Variants in SRFBP1 observed in about 807,000 individuals in gnomAD.
SRFBP1 encodes the protein serum response factor-binding protein 1.
SRFBP1 carries 47 observed loss-of-function variants against 45.5 expected under a neutral mutation model. The ratio of observed to expected loss-of-function variants is 1.03; its 90% CI spans 0.82 to 1.32. The LOEUF (loss-of-function observed/expected upper bound fraction) is 1.32, where lower values mean the gene tolerates loss of function less well. Ranked by LOEUF, SRFBP1 falls within the 40% of genes most tolerant of loss-of-function variation. SRFBP1 has a pLI of 0.00. For missense variants in SRFBP1, 621 were observed against 484.6 expected, an observed-to-expected ratio of 1.28 and a Z score of -2.64; for synonymous variants, 203 against 166.3, an observed-to-expected ratio of 1.22 and a Z score of -1.70.
At chr5:121,986,413 T>C (rs1248510996) in intron 3 of SRFBP1, among the ~76,000 whole-genome samples, 1 of 152,054 alleles carries the variant, frequency 6.6e-6, no homozygotes. Context: ...AGATGGCAAG[T>C]GTTGACAAGT....
intron 2 of SRFBP1, among the ~76,000 whole-genome samples, chr5:122,046,952 T>G (rs1184330353): frequency 6.6e-6 from 1 of 152,240 alleles, no homozygotes; most frequent in Admixed American, 6.5e-5. Flanking sequence ...ATTAGCCCTT[T>G]GTCAGATGAG....
Position 122,027,280 on chromosome 5 carries a change from C to A in SRFBP1, c.*154C>A. ...GGCTCAAGTGATCCTCCCACCTCTGCCTCCCAAAGGGCTGGGACTGCAGGT... is the reference window on the plus strand; with the variant it reads ...GGCTCAAGTGATCCTCCCACCTCTGACTCCCAAAGGGCTGGGACTGCAGGT... On this transcript the variant is annotated 3_prime_UTR_variant, in exon 8 of 8. Coordinates refer to ENST00000339397, the MANE Select transcript of SRFBP1 (RefSeq NM_152546.3). 1.7e-6 allele frequency: 1 copy of A among 579,498 alleles called. No homozygotes were observed. The highest frequency in any genetic ancestry group is 2.9e-6 in the Non-Finnish European group (1 of 340,920). 35.9% of individuals were successfully genotyped at this position (579,498 alleles called of 1,614,324 possible).
intron 2 of SRFBP1, among the ~76,000 whole-genome samples, chr5:122,062,008 A>G (rs537800828): frequency 6.6e-6 from 1 of 152,114 alleles, no homozygotes; most frequent in Non-Finnish European, 1.5e-5. Flanking sequence ...ATACTAGGAT[A>G]ATAAGTGCTA....
rs376103942 is a variant in SRFBP1 at position 121,985,987 on chromosome 5, AGATTTTGGG to A, written c.199-8609_199-8601del. On this transcript the variant is annotated intron_variant, in intron 3 of 7. Coordinates refer to ENST00000339397, the MANE Select transcript of SRFBP1 (RefSeq NM_152546.3). ...GAGAAATTATCTTGGCTACAGATGG[AGATTTTGGG>A]GAGATGTTCACATATATATGATATT... is the stretch of plus-strand genomic sequence containing the variant. Among the ~76,000 whole-genome samples, 763 of 151,964 alleles carry A rather than the reference AGATTTTGGG, an allele frequency of 5.0e-3. 9 individuals are homozygous for A. Among genetic ancestry groups the A allele is most frequent in the African/African-American group, 0.017 (720 of 41,500 alleles).
intron 2 of SRFBP1, among the ~76,000 whole-genome samples, chr5:122,071,189 T>G (rs933155833): frequency 8.1e-6 from 1 of 123,846 alleles, no homozygotes; most frequent in African/African-American, 3.6e-5. Flanking sequence ...TCGTAAACAT[T>G]TATATGTGTG....
intron 3 of SRFBP1, among the ~76,000 whole-genome samples, chr5:121,988,649 T>A (rs1311849565): frequency 4.6e-5 from 7 of 152,190 alleles, no homozygotes; most frequent in Admixed American, 2.0e-4. Flanking sequence ...ATGGCTGACC[T>A]CAGCTATTCA....
At chr5:121,967,265 C>T (rs1752091478) in intron 1 of SRFBP1, among the ~76,000 whole-genome samples, 1 of 152,178 alleles carries the variant, frequency 6.6e-6, no homozygotes. Context: ...TATGAAGTTA[C>T]AAAACGCTTG....
chr5:122,034,658 G>A (rs1195167620), intron 2 of SRFBP1, among the ~76,000 whole-genome samples: 1 of 151,228 alleles, frequency 6.6e-6, no homozygotes, highest in Non-Finnish European at 1.5e-5. Context: ...ATTATACCCT[G>A]TTCTCACCTT....
chr5:122,070,437 G>A, intron 2 of SRFBP1: 1 of 919,250 alleles, frequency 1.1e-6, no homozygotes. Context: ...TGAATCCAGA[G>A]AAGAGGGCCT....
At chr5:122,044,602 A>G (rs1433406592) in intron 2 of SRFBP1, among the ~76,000 whole-genome samples, 2 of 151,882 alleles carry the variant, frequency 1.3e-5, no homozygotes, top group Non-Finnish European at 2.9e-5. Context: ...TTCTCAAATG[A>G]TTAGTGATGT....
chr5:122,077,355 C>T (rs1754668353), downstream of SRFBP1: 1 of 1,613,756 alleles, frequency 6.2e-7, no homozygotes. The surrounding 1 kb of genome is among the most constrained non-coding windows in gnomAD (Gnocchi z 4.9). Context: ...GGGTACTTAC[C>T]GTACTGGAAG....
intron 3 of SRFBP1, among the ~76,000 whole-genome samples, chr5:121,989,107 A>G (rs1027273089): frequency 6.6e-6 from 1 of 152,038 alleles, no homozygotes; most frequent in Middle Eastern, 3.2e-3. Flanking sequence ...CTCTATTGCC[A>G]GGCTGGAGTG....
At chr5:122,032,110 T>C (rs1753597726), downstream of SRFBP1, among the ~76,000 whole-genome samples, 1 of 152,180 alleles carries the variant, frequency 6.6e-6, no homozygotes, top group Non-Finnish European at 1.5e-5. Flanking sequence ...AAAGGGTGAA[T>C]ATTGTGTGAA....
intron 3 of SRFBP1, among the ~76,000 whole-genome samples, chr5:121,978,469 A>C (rs577680039): frequency 1.1e-4 from 16 of 152,204 alleles, no homozygotes; most frequent in Admixed American, 7.9e-4. Flanking sequence ...ACAGGTAAAT[A>C]TACACAGTAG....
At chr5:122,051,401 G>C (rs1753971183) in intron 2 of SRFBP1, among the ~76,000 whole-genome samples, 1 of 151,774 alleles carries the variant, frequency 6.6e-6, no homozygotes, top group Admixed American at 6.6e-5. Context: ...GTCTTTGTAG[G>C]CCTCCAAGAA....
chr5:122,002,414 T>C lies in SRFBP1; in HGVS notation c.270+7744T>C, dbSNP rs142186219. On this transcript the variant is annotated intron_variant, in intron 4 of 7. Transcript: ENST00000339397. ...CTTCAGGATTGCTGTGGAATCCATG[T>C]AATGGGCTTACTCTTTTTGAATTTT... 5.9e-4 allele frequency among the ~76,000 whole-genome samples: 90 copies of C among 152,364 alleles called. 1 individual carries two copies. Among genetic ancestry groups the C allele is most frequent in the African/African-American group, 2.1e-3 (87 of 41,588 alleles).
At chr5:122,021,100 A>G (rs1753308569) in intron 6 of SRFBP1, among the ~76,000 whole-genome samples, 1 of 152,240 alleles carries the variant, frequency 6.6e-6, no homozygotes, top group African/African-American at 2.4e-5. Flanking sequence ...TTTTGATGAA[A>G]AACTTTTGAA....
At chr5:121,992,162 A>G (rs959273698) in intron 3 of SRFBP1, among the ~76,000 whole-genome samples, 2 of 152,156 alleles carry the variant, frequency 1.3e-5, no homozygotes, top group African/African-American at 4.8e-5. Flanking sequence ...TCCTAACAGT[A>G]ACAGGACTGT....
intron 2 of SRFBP1, among the ~76,000 whole-genome samples, chr5:122,036,634 A>G (rs1561404525): frequency 6.6e-6 from 1 of 152,074 alleles, no homozygotes; most frequent in Non-Finnish European, 1.5e-5. Context: ...TATGTGATTG[A>G]CCCTGTGTAA....
Sources: allele counts gnomAD v4.1 joint callset (sites outside exome capture counted in the v4.1 genomes callset), GRCh38; gene constraint gnomAD v4.1.1; non-coding constraint Gnocchi (gnomAD v3.1); transcripts MANE v1.5; gene names NCBI Gene and HGNC (gene_info 2026-07-23, HGNC 2026-07-21).